The following DNAH9 variants were observed in gnomAD, a reference collection of about 807,000 sequenced individuals.
DNAH9 encodes dynein axonemal heavy chain 9.
Under a neutral mutation model 471.6 loss-of-function variants are expected in DNAH9, and 345 were observed. The observed-to-expected ratio is 0.73, with a 90% CI of 0.67 to 0.80. The LOEUF (loss-of-function observed/expected upper bound fraction) is 0.80, where lower values mean the gene tolerates loss of function less well. Ranked by LOEUF, DNAH9 falls within the 30% of genes least tolerant of loss-of-function variation. DNAH9 has a pLI of 0.00. For synonymous variants in DNAH9, 2,093 were observed against 2,123.6 expected (o/e 0.99, Z 0.40); for missense variants, 5,407 against 5,609.2 (o/e 0.96, Z 1.15).
chr17:11,808,140 C>T (rs1285214487), intron 44 of DNAH9, among the ~76,000 whole-genome samples: 5 of 152,180 alleles, frequency 3.3e-5, no homozygotes, highest in Non-Finnish European at 7.3e-5. Context: ...TGTGGGGCCT[C>T]CACTCTTGCT....
intron 6 of DNAH9, 136 bp downstream of exon 6, chr17:11,619,917 G>T: frequency 3.2e-6 from 2 of 621,862 alleles, no homozygotes; most frequent in Non-Finnish European, 5.7e-6. Context: ...CCATAATAAA[G>T]GTTCAATTGG....
chr17:11,812,934 A>T (rs556846004), intron 45 of DNAH9, among the ~76,000 whole-genome samples: 1 of 152,326 alleles, frequency 6.6e-6, no homozygotes, highest in South Asian at 2.1e-4. Context: ...TTTCAAAATC[A>T]GTCTGAGAGA....
At chr17:11,742,132 G>A (rs201401253) in intron 29 of DNAH9, 43 bp from the exon 30 acceptor site, 132 of 1,604,828 alleles carry the variant, frequency 8.2e-5, no homozygotes, top group Non-Finnish European at 5.1e-5. Context: ...CTTCAACACT[G>A]TACTTGGGAA....
rs533010226 is a variant in DNAH9 at position 11,656,685 on chromosome 17, A to G, written c.2595+3683A>G. 3.3e-5 allele frequency among the ~76,000 whole-genome samples: 5 copies of G among 152,286 alleles called. No individual in the cohort carries two copies. The South Asian group carries it at 1.0e-3, about 32-fold the overall frequency. On this transcript the variant is annotated intron_variant, in intron 14 of 68. Coordinates refer to ENST00000262442, the MANE Select transcript of DNAH9 (RefSeq NM_001372.4). Reference sequence around the variant, plus strand: ...TTTTACAAATGTATACACTCAGGTAACTACCACAATACAGAACGTTTGCTA... The same window carrying G: ...TTTTACAAATGTATACACTCAGGTAGCTACCACAATACAGAACGTTTGCTA...
chr17:11,753,527 C>A (rs896710122), intron 33 of DNAH9, among the ~76,000 whole-genome samples: 1 of 152,080 alleles, frequency 6.6e-6, no homozygotes, highest in East Asian at 1.9e-4. Flanking sequence ...ATTAGCTAGG[C>A]GTTGTGGCAA....
At chr17:11,688,509 C>T (rs1441350209) in intron 19 of DNAH9, among the ~76,000 whole-genome samples, 1 of 152,210 alleles carries the variant, frequency 6.6e-6, no homozygotes, top group Non-Finnish European at 1.5e-5. Context: ...CATGGCCACT[C>T]ACAGTGGTTC....
rs182466307 is a variant in DNAH9 at position 11,839,471 on chromosome 17, G to A, written c.9507+4573G>A. 1.1e-4 allele frequency among the ~76,000 whole-genome samples: 16 copies of A among 151,478 alleles called. No homozygotes were observed. In the South Asian group the frequency reaches 1.5e-3, roughly 14 times the overall value. ...GCGGAGCTTGCAGTGAGCCGAGATC[G>A]CGCCACTGCACTCCAGCCTGGGCAA... On this transcript the variant is annotated intron_variant, in intron 49 of 68. Coordinates refer to ENST00000262442, the MANE Select transcript of DNAH9 (RefSeq NM_001372.4).
chr17:11,894,231 C>T, intron 58 of DNAH9, 143 bp from the exon 59 acceptor site: 3 of 978,042 alleles, frequency 3.1e-6, no homozygotes, highest in Non-Finnish European at 4.6e-6. Context: ...CACTTCCTTC[C>T]ACTCTACCCT....
intron 59 of DNAH9, among the ~76,000 whole-genome samples, chr17:11,902,258 G>A (rs1973439132): frequency 6.6e-6 from 1 of 152,146 alleles, no homozygotes; most frequent in East Asian, 1.9e-4. Flanking sequence ...CAACCCATGG[G>A]CATTTTAAGA....
intron 38 of DNAH9, among the ~76,000 whole-genome samples, chr17:11,770,353 C>G (rs1451322964): frequency 6.6e-6 from 1 of 152,200 alleles, no homozygotes; most frequent in Non-Finnish European, 1.5e-5. Flanking sequence ...TCTGCTGACA[C>G]TCTGCTTTCC....
chr17:11,608,415 A>G, intron 2 of DNAH9, 90 bp downstream of exon 2: 2 of 1,001,868 alleles, frequency 2.0e-6, no homozygotes, highest in Non-Finnish European at 3.0e-6. Flanking sequence ...TCTGTTCCTG[A>G]CTCTGCACAT....
intron 48 of DNAH9, among the ~76,000 whole-genome samples, chr17:11,828,248 T>C (rs1250845731): frequency 6.6e-6 from 1 of 151,744 alleles, no homozygotes; most frequent in Non-Finnish European, 1.5e-5. Context: ...CCGAGGCGGG[T>C]GGATCACCTG....
At chr17:11,887,774 C>A (rs1972924553) in intron 57 of DNAH9, among the ~76,000 whole-genome samples, 1 of 151,342 alleles carries the variant, frequency 6.6e-6, no homozygotes, top group East Asian at 1.9e-4. Context: ...ACAGAGTGCA[C>A]ACACTTCAGA....
Position 11,892,752 on chromosome 17 carries a change from C to T in DNAH9, c.11283+805C>T, listed in dbSNP as rs139708306. On this transcript the variant is annotated intron_variant, in intron 58 of 68. Transcript: ENST00000262442. This position sits in a 1 kb window ranked among gnomAD's most constrained non-coding sequence, Gnocchi z 4.3. ...TATTTTAAGTAGAGATGGGGTTTCA[C>T]CATATTGGCCAGGCTCGTCTCAAAC... Among the ~76,000 whole-genome samples, 499 of 152,088 alleles carry T rather than the reference C, an allele frequency of 3.3e-3. 2 individuals carry two copies. The highest frequency in any genetic ancestry group is 0.012 in the African/African-American group (479 of 41,468).
chr17:11,844,023 A>G (rs1256270300), intron 49 of DNAH9, among the ~76,000 whole-genome samples: 1 of 130,070 alleles, frequency 7.7e-6, no homozygotes, highest in Admixed American at 7.5e-5. Flanking sequence ...TTAATATTCC[A>G]CAATAAGTAT....
At chr17:11,690,541 G>A (rs2074317588) in intron 20 of DNAH9, 105 bp downstream of exon 20, 1 of 1,123,272 alleles carries the variant, frequency 8.9e-7, no homozygotes, top group African/African-American at 1.6e-5. Flanking sequence ...CTGCCTCCTT[G>A]CTTTGACTTT....
chr17:11,962,118 CA>C lies in DNAH9; in HGVS notation c.13097del (p.Lys4366ArgfsTer15), dbSNP rs761130282. On this transcript the variant is annotated frameshift_variant, in exon 68 of 69. Coordinates refer to ENST00000262442, the MANE Select transcript of DNAH9 (RefSeq NM_001372.4). LOFTEE classifies it high-confidence loss of function. The surrounding 1 kb of genome is among the most constrained non-coding windows in gnomAD (Gnocchi z 4.1). Reference sequence around the variant, plus strand: ...CTGCCATCATGCAGTCCACGGCTCGCAAGAATGAGTGGCCACTGGACCAGAT... The same window carrying C: ...CTGCCATCATGCAGTCCACGGCTCGCAGAATGAGTGGCCACTGGACCAGAT... ...LTAIMQSTAR[K>X]NEWPLDQMAL... 2 of 1,614,180 alleles carry C rather than the reference CA, an allele frequency of 1.2e-6. No individual in the cohort carries two copies. The highest frequency in any genetic ancestry group is 1.7e-6 in the Non-Finnish European group (2 of 1,180,032).
intron 57 of DNAH9, among the ~76,000 whole-genome samples, chr17:11,891,542 T>C (rs2151004004): frequency 6.6e-6 from 1 of 152,252 alleles, no homozygotes; most frequent in Middle Eastern, 3.4e-3. Context: ...TTTTTGTGCT[T>C]TTAGTAGAAA....
At chr17:11,761,928 G>A (rs891172037) in intron 35 of DNAH9, among the ~76,000 whole-genome samples, 7 of 152,114 alleles carry the variant, frequency 4.6e-5, no homozygotes, top group South Asian at 2.1e-4. Flanking sequence ...AACCCTCTGC[G>A]AGTCCCACCT....
Sources: gnomAD v4.1 joint callset for allele counts (sites outside exome capture counted in the v4.1 genomes callset) on GRCh38, gnomAD v4.1.1 for gene constraint, Gnocchi (gnomAD v3.1) non-coding constraint, MANE v1.5 for transcripts, NCBI Gene and HGNC (gene_info 2026-07-23, HGNC 2026-07-21) for gene names.